The following FLVCR2 variants were observed in gnomAD, a reference collection of about 807,000 sequenced individuals.
FLVCR2 encodes choline/ethanolamine transporter FLVCR2.
Under a neutral mutation model 48.9 loss-of-function variants are expected in FLVCR2, and 38 were observed. The observed-to-expected ratio is 0.78, with a 90% CI of 0.60 to 1.02. The LOEUF (loss-of-function observed/expected upper bound fraction) is 1.02, where lower values mean the gene tolerates loss of function less well. FLVCR2 is among the 50% of genes least tolerant of loss of function. The pLI, the probability that FLVCR2 is intolerant of heterozygous loss-of-function variation, is 0.00. For synonymous variants in FLVCR2, 255 were observed against 257.0 expected, an observed-to-expected ratio of 0.99 and a Z score of 0.07; for missense variants, 664 against 663.3, an observed-to-expected ratio of 1.00 and a Z score of -0.01.
intron 3 of FLVCR2, chr14:75,632,556 A>G (rs1594812441): frequency 2.9e-6 from 2 of 697,424 alleles, no homozygotes; most frequent in South Asian, 3.0e-5. Context: ...CTTGCACCTT[A>G]GCCATCATCT....
At chr14:75,621,812 A>G (rs1889773877) in intron 1 of FLVCR2, among the ~76,000 whole-genome samples, 1 of 152,204 alleles carries the variant, frequency 6.6e-6, no homozygotes, top group Admixed American at 6.5e-5. Flanking sequence ...ATTTGCAGCT[A>G]GAGAAGAGCC....
chr14:75,622,089 C>T lies in FLVCR2; in HGVS notation c.680C>T (p.Ala227Val), dbSNP rs970503705. The T allele has an allele frequency of 5.6e-6, 9 of 1,613,992 alleles. No homozygotes were observed. Among genetic ancestry groups the T allele is most frequent in the African/African-American group, 1.3e-5 (1 of 74,882 alleles). Residue 227 changes from alanine (A) to valine (V), a missense_variant, in exon 2 of 10, where the codon GCG (alanine) becomes GTG (valine). Ala to Val is a moderately conservative substitution (Grantham distance 64). Coordinates refer to ENST00000238667, the MANE Select transcript of FLVCR2 (RefSeq NM_017791.3). Reference sequence around the variant, plus strand: ...CTCTGTCTTCTATAGCTTGGAATTGCGATTGGGTTCTTGGTCCCTCCTGTT... The same window carrying T: ...CTCTGTCTTCTATAGCTTGGAATTGTGATTGGGTTCTTGGTCCCTCCTGTT... ...VAVFGNQLGI[A>V]IGFLVPPVLV...
Position 75,579,440 on chromosome 14 carries a change from T to C in FLVCR2, c.468T>C (p.Thr156=), listed in dbSNP as rs1474606195. 6.2e-7 allele frequency: 1 copy of C among 1,613,968 alleles called. No homozygotes were observed. The highest frequency in any genetic ancestry group is 1.1e-5 in the South Asian group (1 of 91,090). Residue 156 remains threonine, a synonymous_variant, in exon 1 of 10, where the codon ACT becomes ACC. Transcript: ENST00000238667. ...EKFGLRTIAL[T]GSALNCLGAW... is the part of the protein sequence containing the mutation. ...TCGGCCTGCGCACCATTGCTCTCAC[T>C]GGCTCGGCTCTCAACTGCCTGGGGG...
At chr14:75,594,612 G>T (rs948190951) in intron 1 of FLVCR2, among the ~76,000 whole-genome samples, 2 of 152,234 alleles carry the variant, frequency 1.3e-5, no homozygotes, top group African/African-American at 4.8e-5. Context: ...TCATAACATG[G>T]CAGGAGCCGT....
intron 1 of FLVCR2, among the ~76,000 whole-genome samples, chr14:75,613,539 ATTTCTT>A (rs1269255813): frequency 6.6e-6 from 1 of 151,622 alleles, no homozygotes; most frequent in Non-Finnish European, 1.5e-5. Flanking sequence ...TCAACATGAG[ATTTCTT>A]TTTCTTTTTC....
At chr14:75,597,774 C>A (rs191819671) in intron 1 of FLVCR2, among the ~76,000 whole-genome samples, 1 of 151,932 alleles carries the variant, frequency 6.6e-6, no homozygotes, top group African/African-American at 2.4e-5. Flanking sequence ...TTCACCATGT[C>A]GGCCAGGCTG....
intron 1 of FLVCR2, among the ~76,000 whole-genome samples, chr14:75,584,939 A>G (rs1327372269): frequency 6.6e-6 from 1 of 152,202 alleles, no homozygotes; most frequent in Non-Finnish European, 1.5e-5. Flanking sequence ...CCACCTCTTT[A>G]AGAGGAAATT....
intron 3 of FLVCR2, chr14:75,632,699 T>C (rs1566795259): frequency 2.8e-6 from 2 of 702,342 alleles, no homozygotes; most frequent in Non-Finnish European, 5.2e-6. Context: ...AAATCTAATA[T>C]GGAGTGTGCC....
At chr14:75,606,367 G>T (rs527940385) in intron 1 of FLVCR2, among the ~76,000 whole-genome samples, 4 of 152,276 alleles carry the variant, frequency 2.6e-5, no homozygotes, top group South Asian at 2.1e-4. Flanking sequence ...AAGGCTGTTT[G>T]TTTGGGCTAG....
chr14:75,634,806 G>A, intron 4 of FLVCR2, 104 bp from the exon 5 acceptor site: 3 of 750,448 alleles, frequency 4.0e-6, no homozygotes, highest in Non-Finnish European at 7.2e-6. Flanking sequence ...TGACTCTGAT[G>A]GAGCTTGAGT....
intron 1 of FLVCR2, among the ~76,000 whole-genome samples, chr14:75,591,630 G>A (rs1888880354): frequency 6.6e-6 from 1 of 152,094 alleles, no homozygotes; most frequent in Non-Finnish European, 1.5e-5. Flanking sequence ...TCCTTGCGGT[G>A]GCCCTACTCT....
Position 75,633,682 on chromosome 14 carries a change from A to T in FLVCR2, c.1006A>T (p.Ile336Phe). Reference sequence around the variant, plus strand: ...GTCCACTCTTCTGAATCGCATGGTGATCTGGCACTACCCGGTAAGGGAGTT... The same window carrying T: ...GTCCACTCTTCTGAATCGCATGGTGTTCTGGCACTACCCGGTAAGGGAGTT... ...ALSTLLNRMV[I>F]WHYPGEEVNA... The change falls in exon 4 of 10, where the codon ATC becomes TTC. Residue 336 changes from isoleucine (I) to phenylalanine (F), a missense_variant. Ile to Phe is a conservative substitution (Grantham distance 21). Transcript: ENST00000238667. 1 of 1,613,694 alleles carries T rather than the reference A, an allele frequency of 6.2e-7. No individual in the cohort carries two copies. The highest frequency in any genetic ancestry group is 8.5e-7 in the Non-Finnish European group (1 of 1,179,584).
rs80312297 is a variant in FLVCR2 at position 75,599,573 on chromosome 14, G to C, written c.669+19932G>C. ...TAATGTAATCCCTGTCAAAATCCCA[G>C]TAATGGTTTTCATAGAAATAGAAAA... On this transcript the variant is annotated intron_variant, in intron 1 of 9. Coordinates refer to ENST00000238667, the MANE Select transcript of FLVCR2 (RefSeq NM_017791.3). Among the ~76,000 whole-genome samples the C allele has an allele frequency of 3.2e-3, 488 of 152,236 alleles. 4 individuals carry two copies. The highest frequency in any genetic ancestry group is 0.011 in the African/African-American group (468 of 41,536).
intron 1 of FLVCR2, among the ~76,000 whole-genome samples, chr14:75,613,426 G>A (rs1360950537): frequency 6.6e-6 from 1 of 152,008 alleles, no homozygotes; most frequent in East Asian, 1.9e-4. Context: ...TGCAAGGAGA[G>A]CACCAAGGGA....
In FLVCR2 at chr14:75,624,619, G is replaced by A; in HGVS notation, c.819G>A (p.Lys273=). The A allele has an allele frequency of 6.2e-7, 1 of 1,614,048 alleles. No individual in the cohort carries two copies. The highest frequency in any genetic ancestry group is 8.5e-7 in the Non-Finnish European group (1 of 1,180,000). The change falls in exon 3 of 10, where the codon AAG becomes AAA. Residue 273 remains lysine (K), a synonymous_variant. Coordinates refer to ENST00000238667, the MANE Select transcript of FLVCR2 (RefSeq NM_017791.3). ...CTGTTTTTTTCCTTTCAGTGTTCAA[G>A]GAGAAACCTAAATATCCCCCCAGCA... ...LLLILVIIVF[K]EKPKYPPSRA...
chr14:75,616,569 C>T (rs1332382966), intron 1 of FLVCR2, among the ~76,000 whole-genome samples: 1 of 152,150 alleles, frequency 6.6e-6, no homozygotes, highest in Non-Finnish European at 1.5e-5. Context: ...AGGAAGATAG[C>T]TCCTGAGAGC....
Position 75,579,005 on chromosome 14 carries a change from C to G in FLVCR2, c.33C>G (p.Ser11Arg), listed in dbSNP as rs1439145812. Reference protein sequence around the residue: MVNEGPNQEESDDTPVPESAL... With the variant: MVNEGPNQEERDDTPVPESAL... ...ATGAAGGTCCCAACCAGGAAGAGAG[C>G]GATGACACCCCTGTGCCGGAGTCCG... Residue 11 changes from serine (S) to arginine (R), a missense_variant, in exon 1 of 10, where the codon AGC becomes AGG. Transcript: ENST00000238667. The G allele has an allele frequency of 6.2e-7, 1 of 1,614,106 alleles. No homozygotes were observed. Among genetic ancestry groups the G allele is most frequent in the Admixed American group, 1.7e-5 (1 of 60,026 alleles).
At chr14:75,633,094 C>T (rs904252077) in intron 3 of FLVCR2, 4 of 631,290 alleles carry the variant, frequency 6.3e-6, no homozygotes, top group Non-Finnish European at 1.1e-5. Flanking sequence ...ACTGAATGCT[C>T]TTTAGGATCT....
At chr14:75,643,201 C>G (rs753992204) in intron 9 of FLVCR2, among the ~76,000 whole-genome samples, 3 of 152,188 alleles carry the variant, frequency 2.0e-5, no homozygotes, top group Non-Finnish European at 4.4e-5. Context: ...TTCCTTTATA[C>G]GGATAAGCCA....
Sources: allele counts gnomAD v4.1 joint callset (sites outside exome capture counted in the v4.1 genomes callset), GRCh38; gene constraint gnomAD v4.1.1; transcripts MANE v1.5; gene names NCBI Gene and HGNC (gene_info 2026-07-23, HGNC 2026-07-21).